Variants in SMARCC1 observed in about 807,000 individuals in gnomAD.
The protein encoded by SMARCC1 is SWI/SNF related BAF chromatin remodeling complex subunit C1.
SMARCC1 carries 43 observed loss-of-function variants against 147.4 expected under a neutral mutation model. The observed-to-expected ratio is 0.29, with a 90% CI of 0.23 to 0.38. The LOEUF is 0.38. Ranked by LOEUF, SMARCC1 falls within the 10% of genes least tolerant of loss-of-function variation. SMARCC1 has a pLI of 1.00. For missense variants in SMARCC1, 1,119 were observed against 1,381.1 expected, an observed-to-expected ratio of 0.81 and a Z score of 3.01; for synonymous variants, 495 against 484.4, an observed-to-expected ratio of 1.02 and a Z score of -0.29.
At chr3:47,768,687 T>C (rs2034870375) in intron 2 of SMARCC1, among the ~76,000 whole-genome samples, 1 of 152,130 alleles carries the variant, frequency 6.6e-6, no homozygotes, top group South Asian at 2.1e-4. Flanking sequence ...GCCCAGTTCA[T>C]AATGTAAGAG....
chr3:47,620,041 T>C (rs1438918034), intron 25 of SMARCC1, among the ~76,000 whole-genome samples: 1 of 152,210 alleles, frequency 6.6e-6, no homozygotes, highest in Non-Finnish European at 1.5e-5. Flanking sequence ...GTTCTACCAT[T>C]TGGAGTCAGA....
chr3:47,718,134 G>A (rs2034181022), intron 7 of SMARCC1, among the ~76,000 whole-genome samples: 1 of 88,554 alleles, frequency 1.1e-5, no homozygotes, highest in Non-Finnish European at 2.0e-5. Flanking sequence ...GCAAGACCTT[G>A]TCTCAAAAAA....
At chr3:47,723,409 G>A (rs2034259696) in intron 6 of SMARCC1, among the ~76,000 whole-genome samples, 1 of 133,794 alleles carries the variant, frequency 7.5e-6, no homozygotes. Context: ...TGCCCAGGCT[G>A]GAGTGCAGTG....
At chr3:47,622,766 G>A (rs983877214) in intron 24 of SMARCC1, among the ~76,000 whole-genome samples, 1 of 152,152 alleles carries the variant, frequency 6.6e-6, no homozygotes, top group Non-Finnish European at 1.5e-5. Context: ...CTTATACAAA[G>A]CCTCTCCCTT....
At chr3:47,747,253 G>A (rs1355908982) in intron 2 of SMARCC1, among the ~76,000 whole-genome samples, 2 of 151,672 alleles carry the variant, frequency 1.3e-5, no homozygotes, top group Non-Finnish European at 2.9e-5. Flanking sequence ...GGGCAACATG[G>A]TGAAACCCCG....
chr3:47,641,947 A>AT (rs953264446), intron 21 of SMARCC1, among the ~76,000 whole-genome samples: 8 of 151,954 alleles, frequency 5.3e-5, no homozygotes, highest in Non-Finnish European at 1.0e-4. Context: ...AATTTTGTTT[A>AT]TTTTTTGATA....
At chr3:47,677,700 G>C (rs1464692555) in intron 16 of SMARCC1, among the ~76,000 whole-genome samples, 1 of 151,570 alleles carries the variant, frequency 6.6e-6, no homozygotes, top group Non-Finnish European at 1.5e-5. Flanking sequence ...GTGCCACCAC[G>C]CTTGGCTAAT....
chr3:47,678,363 A>G (rs1437912067), intron 15 of SMARCC1, 52 bp from the exon 16 acceptor site: 1 of 811,924 alleles, frequency 1.2e-6, no homozygotes, highest in Non-Finnish European at 1.9e-6. Flanking sequence ...TCTCAGAAAC[A>G]ATGTTACTTA....
intron 10 of SMARCC1, among the ~76,000 whole-genome samples, chr3:47,703,991 C>T (rs989744329): frequency 1.3e-5 from 2 of 151,986 alleles, no homozygotes; most frequent in East Asian, 3.9e-4. Flanking sequence ...GTAGAGACAG[C>T]GTTTCACCGT....
rs557194245 is a variant in SMARCC1 at position 47,631,300 on chromosome 3, T to C, written c.2646+3890A>G. On this transcript the variant is annotated intron_variant, in intron 24 of 27. Coordinates refer to ENST00000254480, the MANE Select transcript of SMARCC1 (RefSeq NM_003074.4). ...ACGAATACAAACCTACTTTTGCCAT[T>C]TTGGAAAACGTATATATGAGGTGGT... Among the ~76,000 whole-genome samples, 9 of 152,310 alleles carry C rather than the reference T, an allele frequency of 5.9e-5. No homozygotes were observed. In the South Asian group the frequency reaches 1.9e-3, roughly 32 times the overall value.
At chr3:47,703,462 AT>A (rs11362260) in intron 10 of SMARCC1, among the ~76,000 whole-genome samples, 89,996 of 151,086 alleles carry the variant, frequency 0.6, 27,966 homozygotes, top group East Asian at 0.72. Flanking sequence ...ATTTGTTATC[AT>A]TTTTTTTTTC....
At chr3:47,636,786 ATATGTGTGTGTG>A (rs1457966795) in intron 22 of SMARCC1, among the ~76,000 whole-genome samples, 3,109 of 140,974 alleles carry the variant, frequency 0.022, 59 homozygotes, top group Middle Eastern at 0.052. Flanking sequence ...CAAAATATAT[ATATGTGTGTGTG>A]TGTGTGTGTG....
intron 2 of SMARCC1, among the ~76,000 whole-genome samples, chr3:47,755,989 T>TAAAAAA (rs34001771): frequency 1.7e-4 from 4 of 22,910 alleles, no homozygotes; most frequent in Non-Finnish European, 2.2e-4. Context: ...GGCTTCATCT[T>TAAAAAA]AAAAAAAAAA....
chr3:47,663,891 T>C, intron 19 of SMARCC1: 1 of 1,490,090 alleles, frequency 6.7e-7, no homozygotes, highest in Non-Finnish European at 9.4e-7. Flanking sequence ...GTCACAGCCA[T>C]CTTGCTGGGT....
At chr3:47,716,003 CA>C (rs1161367268) in intron 7 of SMARCC1, among the ~76,000 whole-genome samples, 2 of 151,280 alleles carry the variant, frequency 1.3e-5, no homozygotes, top group Non-Finnish European at 2.9e-5. Flanking sequence ...AAATTTTAAC[CA>C]AAATAAAACA....
intron 1 of SMARCC1, among the ~76,000 whole-genome samples, chr3:47,777,873 AT>A (rs749427705): frequency 6.6e-6 from 1 of 151,564 alleles, no homozygotes; most frequent in Non-Finnish European, 1.5e-5. Flanking sequence ...TTCTGATTAG[AT>A]TTTTTTTCCA....
In SMARCC1 at chr3:47,663,787, C is replaced by T. The variant is rs570860815; in HGVS notation, c.1900-1195G>A. 44 of 1,578,490 alleles carry T rather than the reference C, an allele frequency of 2.8e-5. No individual in the cohort carries two copies. The African/African-American group carries it at 3.2e-4, about 12-fold the overall frequency. The stretch of plus-strand genomic sequence containing the variant: ...CCATAGGTTGCCTGGCCACGGCGGC[C>T]GCCCTCACCTACAGCCTCTATTCCT... On this transcript the variant is annotated intron_variant, in intron 19 of 27. Transcript: ENST00000254480.
chr3:47,635,379 C>T, intron 23 of SMARCC1, 35 bp from the exon 24 acceptor site: 3 of 1,595,146 alleles, frequency 1.9e-6, no homozygotes, highest in Non-Finnish European at 2.6e-6. Flanking sequence ...ACTAGCGTGC[C>T]CACTCTCGAA....
intron 26 of SMARCC1, among the ~76,000 whole-genome samples, chr3:47,600,217 G>A (rs990401875): frequency 2.6e-5 from 4 of 152,158 alleles, no homozygotes; most frequent in Non-Finnish European, 5.9e-5. Flanking sequence ...TGAAGGTCTA[G>A]AGGAAAAGCA....
Sources: gnomAD v4.1 joint callset for allele counts (sites outside exome capture counted in the v4.1 genomes callset) on GRCh38, gnomAD v4.1.1 for gene constraint, MANE v1.5 for transcripts, NCBI Gene and HGNC (gene_info 2026-07-23, HGNC 2026-07-21) for gene names.